Variants in CEP83 observed in about 807,000 individuals in gnomAD.
The protein encoded by CEP83 is centrosomal protein 83, also known as centrosomal protein of 83 kDa.
In CEP83, 70 loss-of-function variants were observed where a neutral mutation model predicts 101.9. The ratio of observed to expected loss-of-function variants is 0.69; its 90% CI spans 0.57 to 0.84. The LOEUF (loss-of-function observed/expected upper bound fraction) is 0.84. CEP83 is among the 40% of genes least tolerant of loss of function. The pLI is 0.00. For synonymous variants in CEP83, 264 were observed against 267.9 expected (o/e 0.99, Z 0.14); for missense variants, 715 against 787.2 (o/e 0.91, Z 1.10).
At chr12:94,418,602 A>G (rs530026206) in intron 2 of CEP83, among the ~76,000 whole-genome samples, 1 of 152,316 alleles carries the variant, frequency 6.6e-6, no homozygotes, top group South Asian at 2.1e-4. Flanking sequence ...TATATGAAAT[A>G]TCCAGAATAG....
At chr12:94,284,787 G>T in the CEP83 span, among the ~76,000 whole-genome samples, 1 of 152,114 alleles carries the variant, frequency 6.6e-6, no homozygotes, top group Non-Finnish European at 1.5e-5. Context: ...GGAAGATGCA[G>T]ATCACACAGA....
intron 1 of CEP83, among the ~76,000 whole-genome samples, chr12:94,449,779 TAAAAAAAA>T (rs71071787): frequency 4.1e-5 from 2 of 48,566 alleles, no homozygotes; most frequent in Admixed American, 2.9e-4. Context: ...TCTCAAACAA[TAAAAAAAA>T]AAAAAAAAAA....
the CEP83 span, among the ~76,000 whole-genome samples, chr12:94,300,079 G>A: frequency 9.3e-4 from 142 of 152,312 alleles, 1 homozygote; most frequent in East Asian, 5.0e-3. Context: ...GTTCATGTTC[G>A]GGTATTTGAG....
At chr12:94,281,214 G>A in the CEP83 span, among the ~76,000 whole-genome samples, 1 of 152,194 alleles carries the variant, frequency 6.6e-6, no homozygotes, top group Non-Finnish European at 1.5e-5. Flanking sequence ...GGGAGGCAGA[G>A]GTTGCAGTGA....
At chr12:94,424,822 T>C (rs1404556338) in intron 2 of CEP83, 2 of 1,600,922 alleles carry the variant, frequency 1.2e-6, no homozygotes, top group Non-Finnish European at 1.7e-6. Flanking sequence ...GCTGGTCATT[T>C]CCATTGCTTC....
the CEP83 span, among the ~76,000 whole-genome samples, chr12:94,268,207 G>C: frequency 6.6e-6 from 1 of 152,138 alleles, no homozygotes; most frequent in Non-Finnish European, 1.5e-5. Context: ...CTCAGATGAG[G>C]ATGTGTTCTC....
At chr12:94,448,252 C>T (rs1038762791) in intron 1 of CEP83, among the ~76,000 whole-genome samples, 1 of 152,036 alleles carries the variant, frequency 6.6e-6, no homozygotes, top group African/African-American at 2.4e-5. Context: ...GTCACTATAT[C>T]AGGAAGATAT....
At chr12:94,294,493 A>G in the CEP83 span, 2 of 1,300,022 alleles carry the variant, frequency 1.5e-6, no homozygotes, top group African/African-American at 2.9e-5. Flanking sequence ...CAGATATCAA[A>G]TGGATCCACT....
Position 94,315,698 on chromosome 12 carries a change from T to A in CEP83, c.1708-2681A>T, listed in dbSNP as rs191963490. The stretch of plus-strand genomic sequence containing the variant: ...AAGTTTTCATCTAGAAGCTTTATTT[T>A]TTTTTTTTACCTATCACACTTAGGT... On this transcript the variant is annotated intron_variant, in intron 14 of 16. Coordinates refer to ENST00000397809, the MANE Select transcript of CEP83 (RefSeq NM_016122.3). Among the ~76,000 whole-genome samples, 131 of 152,186 alleles carry A rather than the reference T, an allele frequency of 8.6e-4. 1 individual carries two copies. Among genetic ancestry groups the A allele is most frequent in the Middle Eastern group, 3.4e-3 (1 of 294 alleles).
At chr12:94,291,931 C>T in the CEP83 span, among the ~76,000 whole-genome samples, 2 of 152,200 alleles carry the variant, frequency 1.3e-5, no homozygotes, top group Non-Finnish European at 2.9e-5. Context: ...TGGAGTCCCT[C>T]ATGTCTACTG....
chr12:94,384,982 GA>G (rs2062053896), intron 6 of CEP83, among the ~76,000 whole-genome samples: 1 of 152,152 alleles, frequency 6.6e-6, no homozygotes, highest in South Asian at 2.1e-4. Flanking sequence ...GACATTTGGG[GA>G]ATTAAGTTAT....
At chr12:94,303,731 GCTTTT>G, downstream of CEP83, 4 of 1,113,678 alleles carry the variant, frequency 3.6e-6, no homozygotes, top group African/African-American at 2.0e-5. Flanking sequence ...GGTGATGGTT[GCTTTT>G]TTTTTTTTTT....
chr12:94,432,659 T>C (rs568845909), intron 2 of CEP83, among the ~76,000 whole-genome samples: 2 of 152,206 alleles, frequency 1.3e-5, no homozygotes, highest in African/African-American at 2.4e-5. Context: ...AGATAGACAA[T>C]ACAAGTTCTA....
chr12:94,366,625 G>GA (rs1159278045), intron 11 of CEP83, among the ~76,000 whole-genome samples: 1 of 152,042 alleles, frequency 6.6e-6, no homozygotes, highest in Non-Finnish European at 1.5e-5. Context: ...TTAATATAGA[G>GA]AAAAAATAAA....
At chr12:94,389,134 A>G (rs968337272) in intron 6 of CEP83, among the ~76,000 whole-genome samples, 1 of 152,218 alleles carries the variant, frequency 6.6e-6, no homozygotes, top group Non-Finnish European at 1.5e-5. Context: ...CTTAAAAAAG[A>G]AAGAAAGAAA....
intron 5 of CEP83, among the ~76,000 whole-genome samples, chr12:94,402,048 T>C (rs141756638): frequency 1.8e-4 from 28 of 152,324 alleles, no homozygotes; most frequent in African/African-American, 6.5e-4. Context: ...AGGTAACATA[T>C]ATAAAATGTC....
the CEP83 span, among the ~76,000 whole-genome samples, chr12:94,283,567 A>G: frequency 6.6e-6 from 1 of 152,176 alleles, no homozygotes; most frequent in Non-Finnish European, 1.5e-5. Context: ...GAGTTTTATT[A>G]TTACTCAAAT....
chr12:94,362,259 T>C (rs893583058), intron 11 of CEP83, among the ~76,000 whole-genome samples: 2 of 152,120 alleles, frequency 1.3e-5, no homozygotes, highest in Non-Finnish European at 1.5e-5. Flanking sequence ...GGGACTCTAA[T>C]ACACTGTTAG....
At chr12:94,442,712 C>T (rs182897021) in intron 1 of CEP83, among the ~76,000 whole-genome samples, 96 of 152,144 alleles carry the variant, frequency 6.3e-4, no homozygotes, top group East Asian at 1.9e-4. Flanking sequence ...ACATTTTATC[C>T]GCTACATCAA....
Sources: allele counts gnomAD v4.1 joint callset (sites outside exome capture counted in the v4.1 genomes callset), GRCh38; gene constraint gnomAD v4.1.1; transcripts MANE v1.5; gene names NCBI Gene and HGNC (gene_info 2026-07-23, HGNC 2026-07-21).